The following PCDH15 variants were observed in gnomAD, a reference collection of about 807,000 sequenced individuals.
PCDH15 encodes the protein protocadherin-15.
A neutral mutation model predicts 178.5 loss-of-function variants in PCDH15; 129 were observed. The ratio of observed to expected loss-of-function variants is 0.72; its 90% confidence interval spans 0.63 to 0.84. The LOEUF is 0.84. Ranked by LOEUF, PCDH15 falls within the 40% of genes least tolerant of loss-of-function variation. PCDH15 has a pLI of 0.00. For synonymous variants in PCDH15, 800 were observed against 732.0 expected (o/e 1.09, Z -1.50); for missense variants, 2,230 against 2,099.9 (o/e 1.06, Z -1.21).
At chr10:55,117,827 G>A (rs972007109) in intron 2 of PCDH15, among the ~76,000 whole-genome samples, 1 of 152,078 alleles carries the variant, frequency 6.6e-6, no homozygotes, top group African/African-American at 2.4e-5. Flanking sequence ...GTCAATTTTG[G>A]TTTTTATTTT....
chr10:54,292,251 A>T (rs1458229680), intron 8 of PCDH15, among the ~76,000 whole-genome samples: 2 of 152,090 alleles, frequency 1.3e-5, no homozygotes, highest in African/African-American at 2.4e-5. Context: ...TGCAGAAAAG[A>T]CCTTCAACAA....
chr10:53,991,221 A>C (rs552966882), intron 21 of PCDH15, among the ~76,000 whole-genome samples: 1 of 152,304 alleles, frequency 6.6e-6, no homozygotes, highest in South Asian at 2.1e-4. Flanking sequence ...ACTGGCAGGC[A>C]GCTCTGCCTG....
chr10:53,978,932 A>G (rs1332586575), intron 21 of PCDH15, among the ~76,000 whole-genome samples: 3 of 152,128 alleles, frequency 2.0e-5, no homozygotes, highest in Non-Finnish European at 4.4e-5. Context: ...TATCACTTTC[A>G]GCAGTTTGTT....
chr10:54,549,304 G>C (rs897833271), intron 2 of PCDH15, among the ~76,000 whole-genome samples: 72 of 151,676 alleles, frequency 4.7e-4, no homozygotes, highest in Non-Finnish European at 2.1e-4. Context: ...GAGAAGTTAA[G>C]GCTATAAATT....
chr10:54,818,124 G>C (rs905869370), intron 3 of PCDH15, among the ~76,000 whole-genome samples: 49 of 151,638 alleles, frequency 3.2e-4, no homozygotes, highest in African/African-American at 1.2e-3. Flanking sequence ...ATGTAGTTTA[G>C]ATTATTTTTG....
intron 3 of PCDH15, among the ~76,000 whole-genome samples, chr10:54,879,547 T>C (rs1408644699): frequency 6.6e-6 from 1 of 151,918 alleles, no homozygotes; most frequent in Non-Finnish European, 1.5e-5. Context: ...TAATAACACA[T>C]TTATTGTAAT....
intron 1 of PCDH15, among the ~76,000 whole-genome samples, chr10:55,235,660 A>T (rs1275941026): frequency 6.6e-6 from 1 of 151,996 alleles, no homozygotes; most frequent in Non-Finnish European, 1.5e-5. Context: ...TAATCCCAGC[A>T]CTTTGGAAGG....
At chr10:54,949,527 G>A (rs1481807427) in intron 2 of PCDH15, among the ~76,000 whole-genome samples, 2 of 151,842 alleles carry the variant, frequency 1.3e-5, no homozygotes, top group Non-Finnish European at 2.9e-5. Context: ...ATTAACATTT[G>A]GCTTCTCATT....
intron 2 of PCDH15, among the ~76,000 whole-genome samples, chr10:55,423,437 A>C (rs948761511): frequency 6.6e-6 from 1 of 152,026 alleles, no homozygotes; most frequent in Non-Finnish European, 1.5e-5. Flanking sequence ...TATACATATA[A>C]ATTTTGCAGG....
At chr10:54,111,865 G>A (rs1359889000) in intron 15 of PCDH15, among the ~76,000 whole-genome samples, 3 of 151,356 alleles carry the variant, frequency 2.0e-5, no homozygotes, top group African/African-American at 4.9e-5. Context: ...GGTGGCTCAC[G>A]CCTGTAGTCC....
chr10:54,278,177 C>G lies in PCDH15; in HGVS notation c.876+39094G>C, dbSNP rs927015880. Among the ~76,000 whole-genome samples, 16 of 151,378 alleles carry G rather than the reference C, an allele frequency of 1.1e-4. No homozygotes were observed. The East Asian group carries it at 2.7e-3, about 26-fold the overall frequency. The stretch of plus-strand genomic sequence containing the variant: ...TTTTTATGTGTTAACTCACTGAGTC[C>G]CCACAATAGGTCGATGTAATTGGTT... On this transcript the variant is annotated intron_variant, in intron 8 of 37. Transcript: ENST00000644397.
At chr10:54,399,548 G>A (rs1274454046) in intron 3 of PCDH15, among the ~76,000 whole-genome samples, 1 of 152,046 alleles carries the variant, frequency 6.6e-6, no homozygotes, top group Non-Finnish European at 1.5e-5. Context: ...AATTTTAAAG[G>A]GTGAAAGTCT....
chr10:54,474,573 T>C (rs759016362), intron 3 of PCDH15, among the ~76,000 whole-genome samples: 3 of 151,996 alleles, frequency 2.0e-5, no homozygotes, highest in Non-Finnish European at 4.4e-5. Context: ...CAGGACAGGC[T>C]GCTGATAAAT....
intron 3 of PCDH15, among the ~76,000 whole-genome samples, chr10:54,440,033 T>G (rs2075697983): frequency 6.6e-6 from 1 of 152,048 alleles, no homozygotes; most frequent in Non-Finnish European, 1.5e-5. Context: ...GAAATGAAAT[T>G]ATAGTAAATG....
At chr10:55,263,044 T>C (rs538016044) in intron 1 of PCDH15, among the ~76,000 whole-genome samples, 363 of 152,180 alleles carry the variant, frequency 2.4e-3, no homozygotes, top group Middle Eastern at 6.8e-3. Flanking sequence ...TCACATGCCC[T>C]GTGATGGGGA....
Position 55,154,953 on chromosome 10 carries a change from G to A in PCDH15, c.-80+11623C>T, listed in dbSNP as rs546502916. 3.9e-4 allele frequency among the ~76,000 whole-genome samples: 60 copies of A among 152,176 alleles called. 1 individual carries two copies. Among genetic ancestry groups the A allele is most frequent in the African/African-American group, 1.4e-3 (59 of 41,538 alleles). On this transcript the variant is annotated intron_variant, in intron 2 of 5. Coordinates refer to the PCDH15 transcript ENST00000458638. ...CCCTGACATACTTAAGAGTTTAATT[G>A]AACTTGTTGTGACATTAACAGCCTC...
chr10:53,866,838 C>T lies in PCDH15; in HGVS notation c.3521G>A (p.Gly1174Asp), dbSNP rs150387187. 215 of 1,610,566 alleles carry T rather than the reference C, an allele frequency of 1.3e-4. No homozygotes were observed. Among genetic ancestry groups the T allele is most frequent in the Non-Finnish European group, 1.7e-4 (204 of 1,177,526 alleles). The change falls in exon 27 of 38, where the codon GGC (glycine) becomes GAC (aspartate). Residue 1174 changes from glycine to aspartate, a missense_variant. Gly to Asp is a moderately conservative substitution (Grantham distance 94). Transcript: ENST00000644397. ...TCTGTAGGCCATGACACTATAATTG[C>T]CAGTATCTTTATCAGTAGCCTAGAC... ...LRVKATDKDT[G>D]NYSVMAYRLI...
intron 1 of PCDH15, among the ~76,000 whole-genome samples, chr10:54,677,192 C>G (rs2094805240): frequency 6.6e-6 from 1 of 151,996 alleles, no homozygotes; most frequent in African/African-American, 2.4e-5. Flanking sequence ...GGCAAAGTAG[C>G]AAGACCCAGT....
chr10:55,207,575 C>T (rs540837098), intron 1 of PCDH15, among the ~76,000 whole-genome samples: 2 of 152,214 alleles, frequency 1.3e-5, no homozygotes, highest in South Asian at 4.1e-4. Flanking sequence ...TCATTAAGGG[C>T]ACCAAATTAA....
Sources: allele counts gnomAD v4.1 joint callset (sites outside exome capture counted in the v4.1 genomes callset), GRCh38; gene constraint gnomAD v4.1.1; transcripts MANE v1.5; gene names NCBI Gene and HGNC (gene_info 2026-07-23, HGNC 2026-07-21).